Variants in TBXAS1 observed in about 807,000 individuals in gnomAD.
The protein encoded by TBXAS1 is thromboxane-A synthase.
A neutral mutation model predicts 60.7 loss-of-function variants in TBXAS1; 48 were observed. The ratio of observed to expected loss-of-function variants is 0.79; its 90% CI spans 0.63 to 1.01. TBXAS1 has a LOEUF of 1.01. TBXAS1 is among the 50% of genes least tolerant of loss of function. The probability of loss-of-function intolerance (pLI) is 0.00; values close to 1 mark genes in which losing one functional copy is unlikely to be tolerated. For synonymous variants in TBXAS1, 287 were observed against 269.7 expected (o/e 1.06, Z -0.63); for missense variants, 685 against 686.3 (o/e 1.00, Z 0.02).
chr7:139,958,948 A>G (rs1450164655), intron 8 of TBXAS1, among the ~76,000 whole-genome samples: 11 of 152,184 alleles, frequency 7.2e-5, no homozygotes, highest in Admixed American at 5.2e-4. Context: ...GAGAAGGGAT[A>G]AAGAAAGAAC....
At chr7:139,974,991 G>C (rs1177811205) in intron 9 of TBXAS1, among the ~76,000 whole-genome samples, 1 of 152,206 alleles carries the variant, frequency 6.6e-6, no homozygotes, top group Admixed American at 6.5e-5. Context: ...TCAGGAATTG[G>C]CTCATGTAAT....
At position 139,856,150 on chromosome 7, in the gene TBXAS1, GGGGAGGCCCAGTCTACTAATT is replaced by G. The variant is rs1800568336; in HGVS notation, c.90-16082_90-16062del. 2.0e-5 allele frequency among the ~76,000 whole-genome samples: 3 copies of G among 152,154 alleles called. No individual in the cohort carries two copies. The South Asian group carries it at 6.2e-4, about 32-fold the overall frequency. On this transcript the variant is annotated intron_variant, in intron 1 of 12. Transcript: ENST00000448866. ...CCATTACCTTGAGATCACAATTATC[GGGGAGGCCCAGTCTACTAATT>G]GGCAGACAGAGAGACAGAAATGGAC...
chr7:139,990,159 G>T (rs1346701950), intron 9 of TBXAS1, among the ~76,000 whole-genome samples: 1 of 152,116 alleles, frequency 6.6e-6, no homozygotes, highest in Admixed American at 6.5e-5. Context: ...CCCAGGCCAG[G>T]CCTCCCCTCC....
intron 4 of TBXAS1, among the ~76,000 whole-genome samples, chr7:139,822,592 G>A (rs1167685781): frequency 6.6e-6 from 1 of 152,168 alleles, no homozygotes; most frequent in Non-Finnish European, 1.5e-5. Flanking sequence ...AGCCACGATA[G>A]CTTCCTAACA....
intron 8 of TBXAS1, among the ~76,000 whole-genome samples, chr7:139,959,546 C>T (rs1370087040): frequency 3.3e-5 from 5 of 152,302 alleles, no homozygotes; most frequent in Admixed American, 6.5e-5. Flanking sequence ...CTCCAGTGCA[C>T]GGGCCCTGGA....
intron 3 of TBXAS1, among the ~76,000 whole-genome samples, chr7:139,878,114 AGAGAGAGAGAGAGAGAAG>A (rs1476848192): frequency 6.6e-6 from 1 of 151,232 alleles, no homozygotes; most frequent in African/African-American, 2.4e-5. Context: ...TGTGTGAGAG[AGAGAGAGAGAGAGAGAAG>A]GAGAGAGAGA....
intron 1 of TBXAS1, among the ~76,000 whole-genome samples, chr7:139,870,927 A>G (rs1222046975): frequency 6.6e-6 from 1 of 152,206 alleles, no homozygotes; most frequent in African/African-American, 2.4e-5. Context: ...GTCTCTACAA[A>G]GAATCTGAAA....
intron 3 of TBXAS1, among the ~76,000 whole-genome samples, chr7:139,897,289 A>G (rs1412354830): frequency 7.9e-6 from 1 of 126,252 alleles, no homozygotes; most frequent in African/African-American, 3.0e-5. Flanking sequence ...GTGAGAGATC[A>G]TGGAGGGTTT....
At chr7:139,798,076 A>G (rs1299861085) in intron 4 of TBXAS1, among the ~76,000 whole-genome samples, 2 of 152,078 alleles carry the variant, frequency 1.3e-5, no homozygotes, top group Non-Finnish European at 2.9e-5. Flanking sequence ...AAGAATTTTT[A>G]TTTTTATTTT....
chr7:139,869,384 G>A (rs1801657625), intron 1 of TBXAS1, among the ~76,000 whole-genome samples: 1 of 151,854 alleles, frequency 6.6e-6, no homozygotes, highest in African/African-American at 2.4e-5. Context: ...ACTTCAGTAT[G>A]ACTTTATTTA....
chr7:139,982,350 T>G (rs1417013269), intron 9 of TBXAS1, among the ~76,000 whole-genome samples: 15 of 152,174 alleles, frequency 9.9e-5, no homozygotes, highest in Non-Finnish European at 2.2e-4. Flanking sequence ...GAAAGGCACT[T>G]ACTGCTGGGA....
chr7:139,917,026 G>A (rs1806040892), intron 4 of TBXAS1, among the ~76,000 whole-genome samples: 1 of 152,190 alleles, frequency 6.6e-6, no homozygotes, highest in Admixed American at 6.5e-5. Flanking sequence ...TCAAACATGT[G>A]CATCAAGATT....
chr7:139,841,235 T>C (rs1326301316), intron 1 of TBXAS1, among the ~76,000 whole-genome samples: 2 of 152,220 alleles, frequency 1.3e-5, no homozygotes, highest in Non-Finnish European at 2.9e-5. Context: ...AGTCAGACTC[T>C]ACTTCGAGAA....
At chr7:139,924,562 T>C (rs1229970988) in intron 4 of TBXAS1, among the ~76,000 whole-genome samples, 1 of 152,208 alleles carries the variant, frequency 6.6e-6, no homozygotes, top group Non-Finnish European at 1.5e-5. Flanking sequence ...ATTATTCCCT[T>C]GCCAGATGGG....
chr7:139,954,238 A>C (rs1207355931), intron 6 of TBXAS1, among the ~76,000 whole-genome samples: 1 of 152,274 alleles, frequency 6.6e-6, no homozygotes. Flanking sequence ...AAATAATAAC[A>C]TAATCATCAC....
chr7:139,973,160 A>AC (rs1811330961), intron 9 of TBXAS1, among the ~76,000 whole-genome samples: 2 of 152,112 alleles, frequency 1.3e-5, no homozygotes, highest in Non-Finnish European at 2.9e-5. Context: ...CTCCGAGGAG[A>AC]CCTCTGGGGA....
intron 4 of TBXAS1, among the ~76,000 whole-genome samples, chr7:139,934,875 C>T (rs1450648491): frequency 6.6e-6 from 1 of 152,098 alleles, no homozygotes; most frequent in Non-Finnish European, 1.5e-5. Flanking sequence ...TGCAGTGGCG[C>T]AATCTCAGCT....
intron 4 of TBXAS1, among the ~76,000 whole-genome samples, chr7:139,791,399 G>A (rs1403814400): frequency 2.6e-5 from 4 of 152,140 alleles, no homozygotes; most frequent in African/African-American, 7.2e-5. Context: ...ATACCCCCAC[G>A]GGAGATTTTT....
intron 7 of TBXAS1, among the ~76,000 whole-genome samples, chr7:139,955,860 G>C (rs1012329152): frequency 6.6e-6 from 1 of 152,226 alleles, no homozygotes; most frequent in Admixed American, 6.5e-5. Context: ...CGGTTGGGAC[G>C]CACCGTGTTA....
Sources: gnomAD v4.1 joint callset for allele counts (sites outside exome capture counted in the v4.1 genomes callset) on GRCh38, gnomAD v4.1.1 for gene constraint, MANE v1.5 for transcripts, NCBI Gene and HGNC (gene_info 2026-07-23, HGNC 2026-07-21) for gene names.